MICU3: variants seen among roughly 807,000 people sequenced by gnomAD.
MICU3 encodes the protein mitochondrial calcium uptake 3, also known as calcium uptake protein 3, mitochondrial.
In MICU3, 62 loss-of-function variants were observed where a neutral mutation model predicts 66.5. The ratio of observed to expected loss-of-function variants is 0.93; its 90% CI spans 0.76 to 1.15. The LOEUF (loss-of-function observed/expected upper bound fraction) is 1.15, where lower values mean the gene tolerates loss of function less well. MICU3 is among the 50% of genes most tolerant of loss of function. The pLI is 0.00. For missense variants in MICU3, 779 were observed against 664.4 expected (o/e 1.17, Z -1.90); for synonymous variants, 308 against 240.7 (o/e 1.28, Z -2.59).
chr8:17,129,459 A>C, the MICU3 span, among the ~76,000 whole-genome samples: 22 of 152,256 alleles, frequency 1.4e-4, no homozygotes, highest in African/African-American at 4.3e-4. Context: ...AATGAAAACT[A>C]TAAAAACCAA....
At chr8:17,111,587 AGTT>A (rs1802210422) in intron 11 of MICU3, among the ~76,000 whole-genome samples, 1 of 152,146 alleles carries the variant, frequency 6.6e-6, no homozygotes, top group African/African-American at 2.4e-5. Flanking sequence ...ATATTTAAGC[AGTT>A]GTTGGCAATT....
Position 17,027,356 on chromosome 8 carries a change from G to A in MICU3, c.77G>A (p.Gly26Glu), listed in dbSNP as rs1450605800. The A allele has an allele frequency of 2.0e-6, 3 of 1,505,318 alleles. No homozygotes were observed. The highest frequency in any genetic ancestry group is 2.9e-5 in the African/African-American group (2 of 69,160). The allele number at this position is 1,505,318 out of a possible 1,614,324, so 93.2% of individuals were successfully genotyped here. The part of the protein sequence containing the change: ...PPLCAHQPLL[G>E]PWGRPAVTTL... ...CTCTGCGCTCACCAGCCCCTCCTTG[G>A]GCCGTGGGGGCGGCCTGCGGTGACC... Residue 26 changes from glycine (G) to glutamate (E), a missense_variant, in exon 1 of 15, where the codon GGG (glycine) becomes GAG (glutamate). Transcript: ENST00000318063.
At chr8:17,103,174 G>A (rs1258894885) in intron 9 of MICU3, among the ~76,000 whole-genome samples, 1 of 151,754 alleles carries the variant, frequency 6.6e-6, no homozygotes, top group Non-Finnish European at 1.5e-5. Flanking sequence ...TAAAAGAGAA[G>A]AAGATGTGGT....
At chr8:17,094,759 C>T (rs1255591761) in intron 8 of MICU3, among the ~76,000 whole-genome samples, 1 of 151,968 alleles carries the variant, frequency 6.6e-6, no homozygotes, top group East Asian at 1.9e-4. Flanking sequence ...CAGCTTGCAA[C>T]ACAAACCATC....
At chr8:17,132,401 C>G in the MICU3 span, 5 of 152,282 alleles carry the variant, frequency 3.3e-5, no homozygotes, top group Non-Finnish European at 5.9e-5. Flanking sequence ...CCTGAAAGTT[C>G]CAAGTCCTCA....
intron 10 of MICU3, 125 bp downstream of exon 10, chr8:17,104,616 T>C (rs997882370): frequency 2.3e-5 from 10 of 428,442 alleles, no homozygotes; most frequent in African/African-American, 2.0e-4. Flanking sequence ...AGATCCTCTG[T>C]ATAATAAATA....
At chr8:17,041,217 G>A (rs190381834) in intron 1 of MICU3, among the ~76,000 whole-genome samples, 14 of 151,816 alleles carry the variant, frequency 9.2e-5, no homozygotes, top group African/African-American at 3.4e-4. Context: ...TTACTTAAAG[G>A]ACCGGCAGAG....
chr8:17,028,539 G>A (rs188866978), intron 1 of MICU3, among the ~76,000 whole-genome samples: 285 of 152,234 alleles, frequency 1.9e-3, no homozygotes, highest in African/African-American at 6.7e-3. Context: ...GAATGTGAAC[G>A]GCGTAGATGA....
chr8:17,107,503 G>A (rs1280018653), intron 11 of MICU3, among the ~76,000 whole-genome samples: 1 of 152,136 alleles, frequency 6.6e-6, no homozygotes, highest in Non-Finnish European at 1.5e-5. Context: ...AAGGTAAGAA[G>A]TTTAGTTATT....
chr8:17,062,136 A>C (rs186506102), intron 1 of MICU3, among the ~76,000 whole-genome samples: 1 of 152,310 alleles, frequency 6.6e-6, no homozygotes, highest in Non-Finnish European at 1.5e-5. Context: ...CTTCTCCATG[A>C]ATATGAATCC....
At chr8:17,061,622 C>T (rs1817834796) in intron 1 of MICU3, among the ~76,000 whole-genome samples, 1 of 152,056 alleles carries the variant, frequency 6.6e-6, no homozygotes, top group South Asian at 2.1e-4. Flanking sequence ...AGTGGGAGCT[C>T]CAGGCTGAGT....
downstream of MICU3, among the ~76,000 whole-genome samples, chr8:17,123,860 T>C (rs143893541): frequency 3.1e-3 from 468 of 152,044 alleles, 1 homozygote; most frequent in African/African-American, 0.01. Context: ...CTAGTTTGTG[T>C]TTAGAATATA....
intron 11 of MICU3, among the ~76,000 whole-genome samples, chr8:17,106,855 T>G (rs1010626882): frequency 8.6e-5 from 13 of 151,546 alleles, no homozygotes; most frequent in Non-Finnish European, 1.8e-4. Context: ...TGTCCAAGGA[T>G]TCAAATCCAA....
chr8:17,027,594 G>C lies in MICU3; in HGVS notation c.315G>C (p.Thr105=). The change falls in exon 1 of 15, where the codon ACG becomes ACC. Residue 105 remains threonine, a synonymous_variant. Coordinates refer to ENST00000318063, the MANE Select transcript of MICU3 (RefSeq NM_181723.3). ...ATGRPSKSAA[T]EPEDPPRGRG... is the part of the protein sequence containing the mutation. ...GGCGACCCTCAAAGAGCGCGGCCAC[G>C]GAGCCCGAGGACCCGCCCCGCGGCC... is the stretch of plus-strand genomic sequence containing the variant. 1 of 1,298,816 alleles carries C rather than the reference G, an allele frequency of 7.7e-7. No homozygotes were observed. The highest frequency in any genetic ancestry group is 2.4e-5 in the South Asian group (1 of 41,588). The allele number at this position is 1,298,816 out of a possible 1,614,324, so 80.5% of individuals were successfully genotyped here.
At position 17,090,527 on chromosome 8, in the gene MICU3, C is replaced by T; in HGVS notation, c.850-19C>T. The stretch of plus-strand genomic sequence containing the variant: ...TCTGAAATATGACACTTCATTTGGC[C>T]CTTTGTGCTCTATGTCAGCGTCTTC... On this transcript the variant is annotated intron_variant, in intron 7 of 14. Transcript: ENST00000318063. The T allele has an allele frequency of 6.2e-7, 1 of 1,607,618 alleles. No homozygotes were observed. The highest frequency in any genetic ancestry group is 8.5e-7 in the Non-Finnish European group (1 of 1,176,894).
At chr8:17,053,932 A>T (rs1251747340) in intron 1 of MICU3, among the ~76,000 whole-genome samples, 1 of 152,214 alleles carries the variant, frequency 6.6e-6, no homozygotes, top group Non-Finnish European at 1.5e-5. Context: ...AATTTCAGTT[A>T]TCTTTTAGCT....
At chr8:17,046,311 TG>T (rs1815075280) in intron 1 of MICU3, among the ~76,000 whole-genome samples, 3 of 152,176 alleles carry the variant, frequency 2.0e-5, no homozygotes, top group South Asian at 4.1e-4. Context: ...ACTGATTGAT[TG>T]CTTGATGATG....
At chr8:17,051,369 TA>T (rs2150570662) in intron 1 of MICU3, among the ~76,000 whole-genome samples, 2 of 152,314 alleles carry the variant, frequency 1.3e-5, no homozygotes, top group South Asian at 4.1e-4. Flanking sequence ...CTGGGGAAAC[TA>T]AAGTGTACCA....
chr8:17,027,482 G>C lies in MICU3; in HGVS notation c.203G>C (p.Ser68Thr). ...CGGCGGCGGCGCTGGGGGGAGCTGA[G>C]CGTGGCGGCGGCGGCCGGCGGGGGG... ...WRRRRRWGEL[S>T]VAAAAGGGLV... The change falls in exon 1 of 15, where the codon AGC becomes ACC. Residue 68 changes from serine (S) to threonine (T), a missense_variant. By Grantham distance (58) the Ser-to-Thr change is moderately conservative. Coordinates refer to ENST00000318063, the MANE Select transcript of MICU3 (RefSeq NM_181723.3). 1.6e-6 allele frequency: 2 copies of C among 1,283,770 alleles called. No individual in the cohort carries two copies. The highest frequency in any genetic ancestry group is 2.0e-6 in the Non-Finnish European group (2 of 1,019,840). 79.5% of individuals were successfully genotyped at this position (1,283,770 alleles called of 1,614,324 possible).
Sources: allele counts gnomAD v4.1 joint callset (sites outside exome capture counted in the v4.1 genomes callset), GRCh38; gene constraint gnomAD v4.1.1; transcripts MANE v1.5; gene names NCBI Gene and HGNC (gene_info 2026-07-23, HGNC 2026-07-21).